MCC: variants seen among roughly 807,000 people sequenced by gnomAD.
The protein encoded by MCC is MCC regulator of Wnt signaling pathway, also known as colorectal mutant cancer protein.
MCC carries 90 observed loss-of-function variants against 116.2 expected under a neutral mutation model. That is an observed-to-expected ratio of 0.77 (90% CI 0.65 to 0.92). The LOEUF is 0.92. Ranked by LOEUF, MCC falls within the 40% of genes least tolerant of loss-of-function variation. The probability of loss-of-function intolerance (pLI) is 0.00; values close to 1 mark genes in which losing one functional copy is unlikely to be tolerated. For missense variants in MCC, 1,516 were observed against 1,312.2 expected, an observed-to-expected ratio of 1.16 and a Z score of -2.40; for synonymous variants, 578 against 510.5, an observed-to-expected ratio of 1.13 and a Z score of -1.78.
At chr5:113,354,756 T>C (rs1768367942) in intron 2 of MCC, among the ~76,000 whole-genome samples, 1 of 145,362 alleles carries the variant, frequency 6.9e-6, no homozygotes, top group Non-Finnish European at 1.5e-5. Flanking sequence ...AGACTTTTTA[T>C]TGTACTATGA....
At chr5:113,416,761 C>T (rs1447252568) in intron 1 of MCC, among the ~76,000 whole-genome samples, 2 of 151,942 alleles carry the variant, frequency 1.3e-5, no homozygotes, top group African/African-American at 2.4e-5. Flanking sequence ...AATTTTGTAC[C>T]ACATACATAT....
intron 2 of MCC, among the ~76,000 whole-genome samples, chr5:113,358,296 G>C (rs1226259246): frequency 1.3e-5 from 2 of 152,104 alleles, no homozygotes; most frequent in Admixed American, 6.6e-5. Flanking sequence ...GAGGACATTG[G>C]CCCTCCCAAA....
chr5:113,283,503 A>G (rs554770684), intron 3 of MCC, among the ~76,000 whole-genome samples: 1 of 152,354 alleles, frequency 6.6e-6, no homozygotes, highest in South Asian at 2.1e-4. Flanking sequence ...GATAGCTACA[A>G]TCAAAAATAT....
intron 6 of MCC, among the ~76,000 whole-genome samples, chr5:113,105,428 A>G (rs1457717371): frequency 2.0e-5 from 3 of 152,186 alleles, no homozygotes. Flanking sequence ...GGTTGCCTCT[A>G]TTTGTAAATT....
intron 5 of MCC, among the ~76,000 whole-genome samples, chr5:113,127,346 T>C (rs768984657): frequency 3.3e-5 from 5 of 152,250 alleles, no homozygotes; most frequent in Non-Finnish European, 1.5e-5. Context: ...GAATGCTTTA[T>C]GTTCCTCTTG....
intron 2 of MCC, among the ~76,000 whole-genome samples, chr5:113,367,246 G>GT: frequency 6.6e-6 from 1 of 151,792 alleles, no homozygotes; most frequent in African/African-American, 2.4e-5. Flanking sequence ...GATAAGCCGA[G>GT]TTTTTTTTCT....
At chr5:113,417,198 G>A (rs1770176209) in intron 1 of MCC, among the ~76,000 whole-genome samples, 1 of 152,106 alleles carries the variant, frequency 6.6e-6, no homozygotes, top group Non-Finnish European at 1.5e-5. Context: ...TCAATCTCCT[G>A]ACCTCATGAT....
At chr5:113,088,102 A>G (rs1455401548) in intron 8 of MCC, among the ~76,000 whole-genome samples, 1 of 152,190 alleles carries the variant, frequency 6.6e-6, no homozygotes, top group African/African-American at 2.4e-5. Context: ...TTTAAAAACT[A>G]AAGATGATAA....
intron 16 of MCC, among the ~76,000 whole-genome samples, chr5:113,044,116 C>G (rs552735146): frequency 6.6e-6 from 1 of 152,294 alleles, no homozygotes; most frequent in African/African-American, 2.4e-5. Context: ...TGTAATCATA[C>G]AAGACAAGTG....
intron 3 of MCC, among the ~76,000 whole-genome samples, chr5:113,219,056 G>A (rs991320810): frequency 2.0e-5 from 3 of 152,186 alleles, no homozygotes; most frequent in South Asian, 2.1e-4. Context: ...TAAAACAGCA[G>A]GTTTCAAACT....
intron 3 of MCC, among the ~76,000 whole-genome samples, chr5:113,170,332 T>A (rs146908875): frequency 4.9e-4 from 75 of 152,332 alleles, no homozygotes; most frequent in African/African-American, 1.7e-3. Flanking sequence ...GGCAGAATCA[T>A]CCTCTCCTTG....
intron 3 of MCC, among the ~76,000 whole-genome samples, chr5:113,243,419 G>T (rs1399392656): frequency 1.3e-5 from 2 of 152,144 alleles, no homozygotes; most frequent in East Asian, 3.8e-4. Context: ...CACACGTACA[G>T]GACTACTGTC....
chr5:113,440,457 T>A (rs977731546), intron 1 of MCC, among the ~76,000 whole-genome samples: 26 of 152,178 alleles, frequency 1.7e-4, no homozygotes, highest in African/African-American at 6.0e-4. Flanking sequence ...TTTCATTTAA[T>A]TCCAACCAAG....
At chr5:113,222,790 C>G (rs1763599156) in intron 3 of MCC, among the ~76,000 whole-genome samples, 1 of 152,132 alleles carries the variant, frequency 6.6e-6, no homozygotes, top group Non-Finnish European at 1.5e-5. Flanking sequence ...AAGATACAAC[C>G]CCTATCCTCA....
intron 3 of MCC, chr5:113,234,696 G>C (rs1289916257): frequency 6.6e-6 from 1 of 152,132 alleles, no homozygotes; most frequent in Non-Finnish European, 1.5e-5. Context: ...GTTAAAACAG[G>C]ACTCTTCTTC....
chr5:113,466,205 T>C (rs533164680), intron 1 of MCC, among the ~76,000 whole-genome samples: 75 of 151,844 alleles, frequency 4.9e-4, no homozygotes, highest in Non-Finnish European at 9.4e-4. Flanking sequence ...TATTATACTT[T>C]AAGTTTTAGG....
chr5:113,191,291 G>T (rs866509574), intron 3 of MCC, among the ~76,000 whole-genome samples: 1 of 152,154 alleles, frequency 6.6e-6, no homozygotes, highest in East Asian at 1.9e-4. Flanking sequence ...GGGTTTGTGA[G>T]CCTGGGCTTT....
chr5:113,466,472 T>C (rs1771912282), intron 1 of MCC, among the ~76,000 whole-genome samples: 1 of 152,096 alleles, frequency 6.6e-6, no homozygotes, highest in Middle Eastern at 3.4e-3. Flanking sequence ...CTGAGAATGA[T>C]GGTTTCCAGT....
chr5:113,231,840 A>T (rs1462586798), intron 3 of MCC, among the ~76,000 whole-genome samples: 5 of 152,130 alleles, frequency 3.3e-5, no homozygotes, highest in Non-Finnish European at 5.9e-5. Flanking sequence ...AGGCTATTTC[A>T]CATAGTCAGT....
Sources: gnomAD v4.1 joint callset for allele counts (sites outside exome capture counted in the v4.1 genomes callset) on GRCh38, gnomAD v4.1.1 for gene constraint, MANE v1.5 for transcripts, NCBI Gene and HGNC (gene_info 2026-07-23, HGNC 2026-07-21) for gene names.